Variants in MBOAT1 observed in about 807,000 individuals in gnomAD.
The protein encoded by MBOAT1 is membrane-bound glycerophospholipid O-acyltransferase 1.
A neutral mutation model predicts 64.4 loss-of-function variants in MBOAT1; 67 were observed. The observed-to-expected ratio is 1.04, with a 90% confidence interval of 0.85 to 1.27. The LOEUF (loss-of-function observed/expected upper bound fraction) is 1.27, where lower values mean the gene tolerates loss of function less well. MBOAT1 is among the 50% of genes most tolerant of loss of function. The pLI, the probability that MBOAT1 is intolerant of heterozygous loss-of-function variation, is 0.00. For synonymous variants in MBOAT1, 229 were observed against 218.9 expected (o/e 1.05, Z -0.41); for missense variants, 563 against 604.6 (o/e 0.93, Z 0.72).
intron 1 of MBOAT1, among the ~76,000 whole-genome samples, chr6:20,172,771 A>G (rs2113728529): frequency 6.6e-6 from 1 of 152,356 alleles, no homozygotes; most frequent in East Asian, 1.9e-4. Context: ...AAATGTTTCA[A>G]CATGATAGGA....
In MBOAT1 at chr6:20,190,874, G is replaced by A. The variant is rs1258372362; in HGVS notation, c.99+21262C>T. ...TGCCTGACCACCACCAGGGACAGGG[G>A]ACTCATCAACTCCAGCAGTGATCAG... On this transcript the variant is annotated intron_variant, in intron 1 of 12. Coordinates refer to ENST00000324607, the MANE Select transcript of MBOAT1 (RefSeq NM_001080480.3). 2.0e-5 allele frequency among the ~76,000 whole-genome samples: 3 copies of A among 151,952 alleles called. No homozygotes were observed. The South Asian group carries it at 6.2e-4, about 32-fold the overall frequency.
chr6:20,143,397 A>T (rs944074310), intron 4 of MBOAT1, among the ~76,000 whole-genome samples: 1 of 152,214 alleles, frequency 6.6e-6, no homozygotes, highest in Non-Finnish European at 1.5e-5. Flanking sequence ...AAGGTCAAGG[A>T]GGCCTGGGGG....
intron 1 of MBOAT1, among the ~76,000 whole-genome samples, chr6:20,165,730 A>G (rs530448171): frequency 6.7e-4 from 91 of 135,400 alleles, no homozygotes; most frequent in African/African-American, 2.4e-3. Flanking sequence ...GCAACAGAGC[A>G]AGACTCTGTT....
intron 1 of MBOAT1, among the ~76,000 whole-genome samples, chr6:20,201,239 A>G (rs1308965270): frequency 6.6e-6 from 1 of 152,192 alleles, no homozygotes; most frequent in African/African-American, 2.4e-5. Context: ...ACAGAAACAA[A>G]GCCTTCAGAA....
At chr6:20,123,892 T>TA (rs1378728075) in intron 8 of MBOAT1, among the ~76,000 whole-genome samples, 5 of 150,614 alleles carry the variant, frequency 3.3e-5, no homozygotes, top group African/African-American at 1.2e-4. Flanking sequence ...CCATCTCTAC[T>TA]AAAAATACAA....
chr6:20,102,227 T>C lies in MBOAT1; in HGVS notation c.*59A>G. On this transcript the variant is annotated 3_prime_UTR_variant, in exon 13 of 13. Coordinates refer to ENST00000324607, the MANE Select transcript of MBOAT1 (RefSeq NM_001080480.3). ...AGCCACCGGAGGAGCCCTTGAAGCC[T>C]TGTCATCTCATCTTTCGAACGTTCT... 6.3e-7 allele frequency: 1 copy of C among 1,579,958 alleles called. No individual in the cohort carries two copies. The highest frequency in any genetic ancestry group is 8.6e-7 in the Non-Finnish European group (1 of 1,162,104).
intron 12 of MBOAT1, among the ~76,000 whole-genome samples, chr6:20,106,333 A>T (rs1759955895): frequency 6.6e-6 from 1 of 152,208 alleles, no homozygotes. Context: ...CCTCTGTCCC[A>T]CTAGGTGCAT....
At chr6:20,142,007 G>A (rs911341643) in intron 4 of MBOAT1, among the ~76,000 whole-genome samples, 2 of 152,090 alleles carry the variant, frequency 1.3e-5, no homozygotes, top group Non-Finnish European at 2.9e-5. Context: ...AGTGTCTCTC[G>A]AACCTGGCAT....
chr6:20,164,268 C>CATCA (rs1761951307), intron 1 of MBOAT1, among the ~76,000 whole-genome samples: 1 of 151,790 alleles, frequency 6.6e-6, no homozygotes, highest in African/African-American at 2.4e-5. Context: ...CCAGTTGGGC[C>CATCA]TGGAGTCACC....
chr6:20,178,232 T>C (rs1762409108), intron 1 of MBOAT1, among the ~76,000 whole-genome samples: 1 of 152,134 alleles, frequency 6.6e-6, no homozygotes, highest in African/African-American at 2.4e-5. Context: ...CCTACTGTGG[T>C]TTTTTTCTAT....
chr6:20,212,149 A>T lies in MBOAT1; in HGVS notation c.86T>A (p.Ile29Asn). Reference protein sequence around the residue: ...YLHPLSELLGIPLDQVNFVVC... With the variant: ...YLHPLSELLGNPLDQVNFVVC... ...GCCTGCAGTTACCTGGTCCAGCGGG[A>T]TGCCCAGGAGCTCGCTGAGCGGGTG... is the stretch of plus-strand genomic sequence containing the variant. Residue 29 changes from isoleucine (I) to asparagine (N), a missense_variant, in exon 1 of 13, where the codon ATC becomes AAC. By Grantham distance (149) the Ile-to-Asn change is moderately radical. Transcript: ENST00000324607. The T allele has an allele frequency of 6.2e-7, 1 of 1,613,586 alleles. No homozygotes were observed. Among genetic ancestry groups the T allele is most frequent in the Non-Finnish European group, 8.5e-7 (1 of 1,179,838 alleles).
intron 4 of MBOAT1, among the ~76,000 whole-genome samples, chr6:20,133,245 C>G (rs1760883903): frequency 2.6e-5 from 4 of 152,212 alleles, no homozygotes. Context: ...TCCACCAGAT[C>G]TGGTGAGGCA....
intron 7 of MBOAT1, chr6:20,125,790 T>A (rs1178792829): frequency 2.8e-6 from 1 of 362,772 alleles, no homozygotes; most frequent in Non-Finnish European, 5.3e-6. Flanking sequence ...AGTTTTCAAA[T>A]ACTTAACTCA....
chr6:20,197,207 C>T (rs967498204), intron 1 of MBOAT1, among the ~76,000 whole-genome samples: 1 of 152,072 alleles, frequency 6.6e-6, no homozygotes, highest in South Asian at 2.1e-4. Context: ...CTGCCTCAGC[C>T]TCCCATGTAG....
intron 1 of MBOAT1, among the ~76,000 whole-genome samples, chr6:20,186,318 T>G (rs1427971541): frequency 6.6e-6 from 1 of 152,246 alleles, no homozygotes; most frequent in Non-Finnish European, 1.5e-5. Context: ...TGTCTTCACC[T>G]GCTTATGTGC....
At chr6:20,172,319 C>T (rs1762219762) in intron 1 of MBOAT1, among the ~76,000 whole-genome samples, 1 of 152,036 alleles carries the variant, frequency 6.6e-6, no homozygotes, top group Non-Finnish European at 1.5e-5. Flanking sequence ...TTCCCAGCTA[C>T]CCAGGAGGCT....
At chr6:20,118,585 C>T (rs1438920139) in intron 8 of MBOAT1, 45 bp from the exon 9 acceptor site, 2 of 1,449,058 alleles carry the variant, frequency 1.4e-6, no homozygotes, top group Admixed American at 1.7e-5. Context: ...ACAAAAGTCA[C>T]ATTGCTGCTT....
intron 12 of MBOAT1, among the ~76,000 whole-genome samples, chr6:20,108,726 A>C (rs553745660): frequency 1.6e-3 from 249 of 152,382 alleles, no homozygotes; most frequent in African/African-American, 5.8e-3. Flanking sequence ...AAATAATACA[A>C]GGTAGCATTT....
intron 1 of MBOAT1, among the ~76,000 whole-genome samples, chr6:20,185,131 T>A (rs1190342158): frequency 2.0e-5 from 3 of 151,990 alleles, no homozygotes; most frequent in Non-Finnish European, 2.9e-5. Flanking sequence ...ATGCCTCAAG[T>A]ATCAGCTACT....
Sources: gnomAD v4.1 joint callset for allele counts (sites outside exome capture counted in the v4.1 genomes callset) on GRCh38, gnomAD v4.1.1 for gene constraint, MANE v1.5 for transcripts, NCBI Gene and HGNC (gene_info 2026-07-23, HGNC 2026-07-21) for gene names.